The following NKAIN3 variants were observed in gnomAD, a reference collection of about 807,000 sequenced individuals.
NKAIN3 encodes sodium/potassium transporting ATPase interacting 3.
In NKAIN3, 25 loss-of-function variants were observed where a neutral mutation model predicts 30.2. The observed-to-expected ratio is 0.83, with a 90% CI of 0.60 to 1.16. The LOEUF (loss-of-function observed/expected upper bound fraction) is 1.16. Ranked by LOEUF, NKAIN3 falls within the 50% of genes most tolerant of loss-of-function variation. The pLI, the probability that NKAIN3 is intolerant of heterozygous loss-of-function variation, is 0.00. For synonymous variants in NKAIN3, 91 were observed against 89.6 expected (o/e 1.02, Z -0.09); for missense variants, 225 against 254.1 (o/e 0.89, Z 0.78).
At chr8:62,329,148 T>C (rs1361159741) in intron 1 of NKAIN3, among the ~76,000 whole-genome samples, 1 of 152,030 alleles carries the variant, frequency 6.6e-6, no homozygotes, top group Non-Finnish European at 1.5e-5. Flanking sequence ...CTGCAGACCC[T>C]GCTGACACTC....
chr8:62,508,502 C>G (rs893678419), intron 1 of NKAIN3, among the ~76,000 whole-genome samples: 1 of 152,146 alleles, frequency 6.6e-6, no homozygotes, highest in Non-Finnish European at 1.5e-5. Flanking sequence ...TGACAACCCT[C>G]GGAGCCACAA....
chr8:62,911,150 AT>A (rs948528271), intron 4 of NKAIN3, among the ~76,000 whole-genome samples: 4 of 152,148 alleles, frequency 2.6e-5, no homozygotes, highest in Non-Finnish European at 5.9e-5. Flanking sequence ...GAAGTATTAT[AT>A]TTTTTCCAAA....
chr8:62,543,974 G>C (rs1244758164), intron 1 of NKAIN3, among the ~76,000 whole-genome samples: 3 of 151,948 alleles, frequency 2.0e-5, no homozygotes, highest in Non-Finnish European at 4.4e-5. Context: ...ATTAATCAAA[G>C]GGAATTGCTG....
At chr8:62,499,548 G>C (rs908953597) in intron 1 of NKAIN3, among the ~76,000 whole-genome samples, 1 of 152,126 alleles carries the variant, frequency 6.6e-6, no homozygotes, top group Non-Finnish European at 1.5e-5. Flanking sequence ...TGTCAATTTA[G>C]AGGAAAATTA....
At chr8:62,345,420 CATATATACACATATATGT>C (rs1815924121) in intron 1 of NKAIN3, among the ~76,000 whole-genome samples, 4 of 113,252 alleles carry the variant, frequency 3.5e-5, no homozygotes, top group African/African-American at 1.5e-4. Flanking sequence ...TATATATACA[CATATATACACATATATGT>C]ATATATACAC....
At chr8:62,881,568 T>A (rs762390382) in intron 4 of NKAIN3, among the ~76,000 whole-genome samples, 2 of 152,190 alleles carry the variant, frequency 1.3e-5, no homozygotes, top group Non-Finnish European at 2.9e-5. Context: ...AGCAATAGTC[T>A]TCGTAGCTAG....
At chr8:62,867,973 T>C (rs1820478435) in intron 4 of NKAIN3, among the ~76,000 whole-genome samples, 1 of 152,196 alleles carries the variant, frequency 6.6e-6, no homozygotes, top group Non-Finnish European at 1.5e-5. Context: ...ATAAATGGCT[T>C]TAAAACATAT....
In NKAIN3 at chr8:62,895,603, C is replaced by A. The variant is rs560592410; in HGVS notation, c.472-22850C>A. On this transcript the variant is annotated intron_variant, in intron 4 of 6. Coordinates refer to ENST00000623646, the MANE Select transcript of NKAIN3 (RefSeq NM_001304533.3). Reference sequence around the variant, plus strand: ...TGAGAGTCTGTTAGGAGCCTTCTCCCAACTAGCTTTTGGGGTCTGGAAGTA... The same window carrying A: ...TGAGAGTCTGTTAGGAGCCTTCTCCAAACTAGCTTTTGGGGTCTGGAAGTA... 4.6e-5 allele frequency among the ~76,000 whole-genome samples: 7 copies of A among 152,278 alleles called. No individual in the cohort carries two copies. The East Asian group carries it at 1.2e-3, about 25-fold the overall frequency.
chr8:62,863,417 T>C (rs1374675192), intron 4 of NKAIN3: 20 of 1,551,988 alleles, frequency 1.3e-5, no homozygotes, highest in Non-Finnish European at 1.7e-5. Context: ...TTTATGTCAG[T>C]ATGAGTAATC....
intron 1 of NKAIN3, among the ~76,000 whole-genome samples, chr8:62,326,808 A>G (rs1563934988): frequency 1.3e-5 from 2 of 152,086 alleles, no homozygotes; most frequent in East Asian, 3.9e-4. Context: ...TCTTTTGGGT[A>G]TAAACTCAGA....
intron 4 of NKAIN3, among the ~76,000 whole-genome samples, chr8:62,859,508 T>TACAAAAAAAAAAAAAAAAAAAAA (rs1820173136): frequency 3.3e-5 from 2 of 60,442 alleles, no homozygotes; most frequent in African/African-American, 5.6e-5. Context: ...TTACTTCAAC[T>TACAAAAAAAAAAAAAAAAAAAAA]AAAAAAAAAA....
At chr8:62,890,265 A>G (rs189497481) in intron 4 of NKAIN3, among the ~76,000 whole-genome samples, 1 of 152,366 alleles carries the variant, frequency 6.6e-6, no homozygotes, top group East Asian at 1.9e-4. Context: ...GCTCTCTGAT[A>G]GCAAATAAGT....
Position 62,752,954 on chromosome 8 carries a change from G to A in NKAIN3, c.471+5825G>A, listed in dbSNP as rs117109374. 2.0e-3 allele frequency among the ~76,000 whole-genome samples: 305 copies of A among 152,220 alleles called. 6 individuals carry two copies. The East Asian group carries it at 0.055, about 27-fold the overall frequency. On this transcript the variant is annotated intron_variant, in intron 4 of 6. Coordinates refer to ENST00000623646, the MANE Select transcript of NKAIN3 (RefSeq NM_001304533.3). The stretch of plus-strand genomic sequence containing the variant: ...GGATTGGTAAGGATACCTAGCTACA[G>A]GAAAAGGGACAGTCAATCTGCTCCA...
intron 3 of NKAIN3, among the ~76,000 whole-genome samples, chr8:62,629,699 A>G (rs1811895723): frequency 6.6e-6 from 1 of 152,190 alleles, no homozygotes; most frequent in South Asian, 2.1e-4. Flanking sequence ...ATGTAAAATC[A>G]TCACTCTAAA....
intron 1 of NKAIN3, among the ~76,000 whole-genome samples, chr8:62,434,664 T>G (rs991212423): frequency 9.2e-5 from 14 of 152,268 alleles, no homozygotes; most frequent in African/African-American, 3.4e-4. Context: ...TCTTCAAACT[T>G]TACCTAAAGG....
At chr8:62,374,907 C>T (rs1817028385) in intron 1 of NKAIN3, among the ~76,000 whole-genome samples, 1 of 152,172 alleles carries the variant, frequency 6.6e-6, no homozygotes, top group Non-Finnish European at 1.5e-5. Flanking sequence ...CCTGTATGCA[C>T]ATAAAAAGAG....
At chr8:62,448,815 T>C (rs555471589) in intron 1 of NKAIN3, among the ~76,000 whole-genome samples, 74 of 151,970 alleles carry the variant, frequency 4.9e-4, no homozygotes, top group Non-Finnish European at 9.9e-4. Flanking sequence ...TGATGTTGTA[T>C]GGATTTTTTA....
rs778756817 is a variant in NKAIN3 at position 62,763,955 on chromosome 8, G to A, written c.471+16826G>A. Among the ~76,000 whole-genome samples, 4 of 152,172 alleles carry A rather than the reference G, an allele frequency of 2.6e-5. No homozygotes were observed. In the East Asian group the frequency reaches 5.8e-4, roughly 22 times the overall value. ...TTATTGAGGGGTTGTAATGTCTCTG[G>A]TCAGAGGGGAGGTTCGGGCTGACAT... On this transcript the variant is annotated intron_variant, in intron 4 of 6. Coordinates refer to ENST00000623646, the MANE Select transcript of NKAIN3 (RefSeq NM_001304533.3).
intron 5 of NKAIN3, among the ~76,000 whole-genome samples, chr8:62,946,640 C>T (rs77081242): frequency 4.2e-4 from 64 of 152,318 alleles, no homozygotes; most frequent in Non-Finnish European, 7.9e-4. Context: ...TATCACGGAA[C>T]AAGAAAATCA....
Sources: allele counts gnomAD v4.1 joint callset (sites outside exome capture counted in the v4.1 genomes callset), GRCh38; gene constraint gnomAD v4.1.1; transcripts MANE v1.5; gene names NCBI Gene and HGNC (gene_info 2026-07-23, HGNC 2026-07-21).